ANXA1: variants seen among roughly 807,000 people sequenced by gnomAD.
ANXA1 encodes annexin I (lipocortin I).
ANXA1 carries 39 observed loss-of-function variants against 47.9 expected under a neutral mutation model. The ratio of observed to expected loss-of-function variants is 0.81; its 90% confidence interval spans 0.63 to 1.06. The LOEUF is 1.06. ANXA1 is among the 50% of genes least tolerant of loss of function. ANXA1 has a pLI of 0.00. For missense variants in ANXA1, 446 were observed against 422.7 expected, an observed-to-expected ratio of 1.06 and a Z score of -0.48; for synonymous variants, 146 against 142.5, an observed-to-expected ratio of 1.02 and a Z score of -0.17.
chr9:73,158,469 G>A, intron 1 of ANXA1, 53 bp from the exon 2 acceptor site: 2 of 1,358,870 alleles, frequency 1.5e-6, no homozygotes, highest in Non-Finnish European at 2.1e-6. Context: ...AGGAAGGAGA[G>A]GTTGTGTGTG....
chr9:73,167,211 A>G (rs1381690040), intron 10 of ANXA1, among the ~76,000 whole-genome samples: 1 of 152,102 alleles, frequency 6.6e-6, no homozygotes, highest in Non-Finnish European at 1.5e-5. Flanking sequence ...CTCCACTCCC[A>G]AGGAGAATAT....
chr9:73,166,082 G>T lies in ANXA1; in HGVS notation c.707-15G>T. ...GGATGTTTTGCATGTATCTTAGTTTGAATTTAATATTCAGTGTTTCAGAAA... is the reference window on the plus strand; with the variant it reads ...GGATGTTTTGCATGTATCTTAGTTTTAATTTAATATTCAGTGTTTCAGAAA... On this transcript the variant is annotated splice_polypyrimidine_tract_variant and intron_variant, in intron 9 of 12. Coordinates refer to ENST00000257497, the MANE Select transcript of ANXA1 (RefSeq NM_000700.3). 1 of 1,580,360 alleles carries T rather than the reference G, an allele frequency of 6.3e-7. No homozygotes were observed. The highest frequency in any genetic ancestry group is 1.1e-5 in the South Asian group (1 of 87,030).
At chr9:73,168,908 T>TGTGTGTGTGTGTGG (rs1300673551) in intron 11 of ANXA1, 124 bp from the exon 12 acceptor site, 3 of 731,644 alleles carry the variant, frequency 4.1e-6, no homozygotes, top group East Asian at 5.3e-5. Flanking sequence ...TGTGTGTGTG[T>TGTGTGTGTGTGTGG]GTGTATAGCT....
At chr9:73,165,802 C>T (rs776156000) in intron 9 of ANXA1, among the ~76,000 whole-genome samples, 15 of 152,096 alleles carry the variant, frequency 9.9e-5, no homozygotes, top group Non-Finnish European at 1.8e-4. Context: ...TTTGCTGTGG[C>T]TCTTAGAACT....
rs1824301314 is a variant in ANXA1 at position 73,170,243 on chromosome 9, T to A, written c.*136T>A. The A allele has an allele frequency of 5.1e-6, 3 of 582,900 alleles. No individual in the cohort carries two copies. In the African/African-American group the frequency reaches 5.6e-5, roughly 11 times the overall value. The allele number at this position is 582,900 out of a possible 1,614,324, so 36.1% of individuals were successfully genotyped here. A position where few individuals can be genotyped will look rare whatever the true frequency, so the allele number is the denominator to read the frequency against. ...CATGCTGAAAAATATAGCCTTTAAA[T>A]CATTTTTATATTATAACTCTGTATA... On this transcript the variant is annotated 3_prime_UTR_variant, in exon 13 of 13. Transcript: ENST00000257497.
intron 3 of ANXA1, 42 bp downstream of exon 3, chr9:73,158,845 G>A: frequency 6.8e-7 from 1 of 1,480,870 alleles, no homozygotes; most frequent in Non-Finnish European, 9.4e-7. Context: ...GGACATTTCA[G>A]AATGGCTATT....
chr9:73,168,833 G>T, intron 11 of ANXA1, 199 bp from the exon 12 acceptor site: 2 of 446,230 alleles, frequency 4.5e-6, no homozygotes, highest in Non-Finnish European at 7.8e-6. Flanking sequence ...TATACCTACC[G>T]CTAATGTAGA....
In ANXA1 at chr9:73,158,583, T is replaced by C; in HGVS notation, c.48T>C (p.Asn16=). ...EFLKQAWFIE[N]EEQEYVQTVK... ...TCAAGCAGGCCTGGTTTATTGAAAA[T>C]GAAGAGCAGGAATATGTTGTAAGTA... Residue 16 remains asparagine, a synonymous_variant, in exon 2 of 13, where the codon AAT becomes AAC. Transcript: ENST00000257497. 1 of 1,613,702 alleles carries C rather than the reference T, an allele frequency of 6.2e-7. No homozygotes were observed. Among genetic ancestry groups the C allele is most frequent in the Non-Finnish European group, 8.5e-7 (1 of 1,179,782 alleles).
intron 1 of ANXA1, among the ~76,000 whole-genome samples, chr9:73,152,306 C>T (rs1274080926): frequency 6.6e-6 from 1 of 151,952 alleles, no homozygotes; most frequent in Non-Finnish European, 1.5e-5. Flanking sequence ...ACAGAGAAAT[C>T]GTGATGGGGG....
At position 73,169,162 on chromosome 9, in the gene ANXA1, T is replaced by C. The variant is rs768319087; in HGVS notation, c.984+8T>C. ...CTTTGCCAAGCCATCCTGGTATGTT[T>C]TGATTCCTCTAATGCCATCCCAACA... On this transcript the variant is annotated splice_region_variant and intron_variant, in intron 12 of 12. Coordinates refer to ENST00000257497, the MANE Select transcript of ANXA1 (RefSeq NM_000700.3). The C allele has an allele frequency of 5.6e-6, 9 of 1,604,756 alleles. No homozygotes were observed. The highest frequency in any genetic ancestry group is 3.4e-5 in the South Asian group (3 of 89,334).
chr9:73,158,346 T>A lies in ANXA1; in HGVS notation c.-14-176T>A, dbSNP rs1824081536. ...ATGGTTTCATTTTAAGTATAAAAGC[T>A]TCCTTTAAAAAAAATTACGTCTTAC... On this transcript the variant is annotated intron_variant, in intron 1 of 12. Coordinates refer to ENST00000257497, the MANE Select transcript of ANXA1 (RefSeq NM_000700.3). 5 of 559,720 alleles carry A rather than the reference T, an allele frequency of 8.9e-6. No homozygotes were observed. The South Asian group carries it at 1.1e-4, about 12-fold the overall frequency. The allele number at this position is 559,720 out of a possible 1,614,324, so 34.7% of individuals were successfully genotyped here. A position where few individuals can be genotyped will look rare whatever the true frequency, so the allele number is the denominator to read the frequency against.
At chr9:73,156,179 T>C (rs1213158355) in intron 1 of ANXA1, among the ~76,000 whole-genome samples, 2 of 147,898 alleles carry the variant, frequency 1.4e-5, no homozygotes, top group Non-Finnish European at 3.0e-5. Flanking sequence ...ATAAAATAAA[T>C]AAATAATAAA....
chr9:73,159,191 G>A (rs924019879), intron 3 of ANXA1, 138 bp from the exon 4 acceptor site: 10 of 692,072 alleles, frequency 1.4e-5, no homozygotes, highest in African/African-American at 1.3e-4. Flanking sequence ...GTATAGCATC[G>A]ATTTTTTAGG....
At chr9:73,160,238 C>A in intron 4 of ANXA1, 25 bp from the exon 5 acceptor site, 1 of 1,494,982 alleles carries the variant, frequency 6.7e-7, no homozygotes, top group Non-Finnish European at 9.0e-7. Flanking sequence ...ATTGGAAGTC[C>A]TGATTCTAAT....
intron 6 of ANXA1, among the ~76,000 whole-genome samples, chr9:73,162,491 A>G (rs1250042026): frequency 6.6e-6 from 1 of 152,192 alleles, no homozygotes; most frequent in African/African-American, 2.4e-5. Context: ...ATTAATTACT[A>G]ATGTATACCT....
chr9:73,156,726 T>C (rs1824054116), intron 1 of ANXA1, among the ~76,000 whole-genome samples: 1 of 152,190 alleles, frequency 6.6e-6, no homozygotes, highest in African/African-American at 2.4e-5. Flanking sequence ...AGTTTATGCC[T>C]CATGAGTCAT....
At chr9:73,168,791 G>A (rs1227448152) in intron 11 of ANXA1, 1 of 323,476 alleles carries the variant, frequency 3.1e-6, no homozygotes, top group Non-Finnish European at 5.7e-6. Flanking sequence ...ACCGGATGGT[G>A]AGAGATGAGT....
chr9:73,155,906 C>A (rs1824038222), intron 1 of ANXA1, among the ~76,000 whole-genome samples: 1 of 150,810 alleles, frequency 6.6e-6, no homozygotes, highest in Admixed American at 6.6e-5. Context: ...TATACCTTTT[C>A]CTGGGCTTTC....
rs377359805 is a variant in ANXA1 at position 73,166,115 on chromosome 9, A to G, written c.725A>G (p.Lys242Arg). ...TATTCAGTGTTTCAGAAATACACCA[A>G]GTACAGTAAGCATGACATGAACAAA... ...QLRRVFQKYTKYSKHDMNKVL... is the reference protein window; with the variant it reads ...QLRRVFQKYTRYSKHDMNKVL... Residue 242 changes from lysine to arginine, a missense_variant, in exon 10 of 13, where the codon AAG becomes AGG. Coordinates refer to ENST00000257497, the MANE Select transcript of ANXA1 (RefSeq NM_000700.3). 3.4e-5 allele frequency: 54 copies of G among 1,609,722 alleles called. No individual in the cohort carries two copies. The highest frequency in any genetic ancestry group is 4.2e-5 in the Non-Finnish European group (49 of 1,178,108).
Sources: allele counts gnomAD v4.1 joint callset (sites outside exome capture counted in the v4.1 genomes callset), GRCh38; gene constraint gnomAD v4.1.1; transcripts MANE v1.5; gene names NCBI Gene and HGNC (gene_info 2026-07-23, HGNC 2026-07-21).